OSBP: variants seen among roughly 807,000 people sequenced by gnomAD.
OSBP encodes the protein oxysterol-binding protein 1.
OSBP carries 32 observed loss-of-function variants against 96.6 expected under a neutral mutation model. The observed-to-expected ratio is 0.33, with a 90% CI of 0.25 to 0.45. The LOEUF (loss-of-function observed/expected upper bound fraction) is 0.45, where lower values mean the gene tolerates loss of function less well. Among genes scored for constraint, OSBP ranks in the 20% least tolerant of loss-of-function variants. OSBP has a pLI of 1.00. For missense variants in OSBP, 653 were observed against 1,029.7 expected (o/e 0.63, Z 5.01); for synonymous variants, 369 against 389.6 (o/e 0.95, Z 0.62).
Position 59,615,742 on chromosome 11 carries a change from C to T in OSBP, c.-78G>A, listed in dbSNP as rs1139126. ...TCGCCGCCCGGAGCGCCCCACACGG[C>T]TACCGCATCAGCCACCGCCGCGCAG... is the stretch of plus-strand genomic sequence containing the variant. On this transcript the variant is annotated 5_prime_UTR_variant, in exon 1 of 14. An upstream open reading frame in the 5' UTR loses its in-frame stop. Transcript: ENST00000263847. 9,673 of 1,230,778 alleles carry T rather than the reference C, an allele frequency of 7.9e-3. 149 individuals carry two copies. The highest frequency in any genetic ancestry group is 0.061 in the African/African-American group (3,862 of 63,522). 76.2% of individuals were successfully genotyped at this position (1,230,778 alleles called of 1,614,324 possible). A position where few individuals can be genotyped will look rare whatever the true frequency, so the allele number is the denominator to read the frequency against.
rs559512965 is a variant in OSBP, at chr11:59,601,048, C to T, written c.1125-175G>A. 5.1e-5 allele frequency among the ~76,000 whole-genome samples: 7 copies of T among 136,254 alleles called. No individual in the cohort carries two copies. The South Asian group carries it at 7.3e-4, about 14-fold the overall frequency. 89.4% of individuals were successfully genotyped at this position (136,254 alleles called of 152,430 possible). A position where few individuals can be genotyped will look rare whatever the true frequency, so the allele number is the denominator to read the frequency against. On this transcript the variant is annotated intron_variant, in intron 5 of 13. Coordinates refer to ENST00000263847, the MANE Select transcript of OSBP (RefSeq NM_002556.3). The stretch of plus-strand genomic sequence containing the variant: ...TAAGTATCTCTGGAGAATTTGTTTA[C>T]GTAAAAAAGCTGACATTTTTTCACT...
Position 59,575,592 on chromosome 11 carries a change from T to C in OSBP, c.*985A>G, listed in dbSNP as rs1162758594. ...GCTCCAGTCCTTGGGGCTTGAGAGA[T>C]GGTGAAAACTTTTGTTCCACATTAA... On this transcript the variant is annotated 3_prime_UTR_variant, in exon 14 of 14. Transcript: ENST00000263847. 3.9e-5 allele frequency: 6 copies of C among 152,644 alleles called. No homozygotes were observed. The highest frequency in any genetic ancestry group is 2.0e-4 in the Admixed American group (3 of 15,272). The allele number at this position is 152,644 out of a possible 1,614,324, so 9.5% of individuals were successfully genotyped here. A position where few individuals can be genotyped will look rare whatever the true frequency, so the allele number is the denominator to read the frequency against.
At chr11:59,586,159 T>C (rs1590669295) in intron 9 of OSBP, among the ~76,000 whole-genome samples, 1 of 95,388 alleles carries the variant, frequency 1.0e-5, no homozygotes, top group South Asian at 3.1e-4. Context: ...CCAAGAATGA[T>C]CAATAAAAAA....
At chr11:59,600,913 C>G in intron 5 of OSBP, 40 bp from the exon 6 acceptor site, 1 of 1,557,354 alleles carries the variant, frequency 6.4e-7, no homozygotes, top group Admixed American at 1.7e-5. Flanking sequence ...GAACAAAGAC[C>G]AGAACTAGAG....
At chr11:59,583,495 AATG>A (rs1440046117) in intron 9 of OSBP, among the ~76,000 whole-genome samples, 1 of 152,226 alleles carries the variant, frequency 6.6e-6, no homozygotes, top group East Asian at 1.9e-4. Flanking sequence ...CTATGACATC[AATG>A]ATAATAACAG....
At chr11:59,601,580 A>C in intron 4 of OSBP, 60 bp downstream of exon 4, 2 of 1,480,674 alleles carry the variant, frequency 1.4e-6, no homozygotes, top group Non-Finnish European at 1.9e-6. Flanking sequence ...TTCTCCTATC[A>C]ACTGCAGAAA....
At chr11:59,581,167 T>C (rs1011858890) in intron 10 of OSBP, among the ~76,000 whole-genome samples, 1 of 151,876 alleles carries the variant, frequency 6.6e-6, no homozygotes, top group Non-Finnish European at 1.5e-5. Flanking sequence ...GGATTAAGAG[T>C]TGGGGCCACG....
At chr11:59,588,217 AG>A (rs1168816880) in intron 9 of OSBP, among the ~76,000 whole-genome samples, 1 of 152,192 alleles carries the variant, frequency 6.6e-6, no homozygotes, top group Non-Finnish European at 1.5e-5. Flanking sequence ...AGTGGGTTCC[AG>A]GGTTTGGGGA....
At chr11:59,578,354 T>C (rs972367491) in intron 11 of OSBP, 24 bp from the exon 12 acceptor site, 3 of 1,609,948 alleles carry the variant, frequency 1.9e-6, no homozygotes, top group African/African-American at 2.7e-5. Flanking sequence ...GAACAGGGCT[T>C]GGCTATATAG....
chr11:59,607,519 C>T (rs148435977), intron 3 of OSBP, among the ~76,000 whole-genome samples: 1 of 152,052 alleles, frequency 6.6e-6, no homozygotes, highest in East Asian at 1.9e-4. Context: ...CGATACTTTC[C>T]CATGGTCATG....
Position 59,601,651 on chromosome 11 carries a change from C to A in OSBP, c.1010G>T (p.Gly337Val), listed in dbSNP as rs1860725806. 1.2e-6 allele frequency: 2 copies of A among 1,612,650 alleles called. No homozygotes were observed. Among genetic ancestry groups the A allele is most frequent in the African/African-American group, 2.7e-5 (2 of 74,998 alleles). Residue 337 changes from glycine (G) to valine (V), a missense_variant, in exon 4 of 14, where the codon GGT (glycine) becomes GTT (valine). By Grantham distance (109) the Gly-to-Val change is moderately radical. Transcript: ENST00000263847. ...GCTAAGTGTCTTACCTTTACCAGAA[C>A]CCACATTGCCAGGAGTGTTTGCCGG... ...VLPANTPGNV[G>V]SGKDQCCSGK...
intron 1 of OSBP, among the ~76,000 whole-genome samples, chr11:59,615,093 G>A (rs1016987995): frequency 1.3e-5 from 2 of 152,192 alleles, no homozygotes; most frequent in African/African-American, 4.8e-5. Context: ...ACCAAGAGTG[G>A]GTAACCCGAG....
At chr11:59,593,869 A>C in intron 8 of OSBP, 141 bp downstream of exon 8, 1 of 1,412,998 alleles carries the variant, frequency 7.1e-7, no homozygotes, top group Non-Finnish European at 9.6e-7. Flanking sequence ...AGGGTCTCCA[A>C]CGCTGACGTT....
At position 59,581,522 on chromosome 11, in the gene OSBP, G is replaced by A. The variant is rs148193754; in HGVS notation, c.1711C>T (p.His571Tyr). Reference protein sequence around the residue: ...TIHCIFHATGHHYTWKKVTTT... With the variant: ...TIHCIFHATGYHYTWKKVTTT... ...GTAACTTTCTTCCAAGTGTAGTGGT[G>A]CCCAGTTGCATGGAAAATACAATGA... Residue 571 changes from histidine (H) to tyrosine (Y), a missense_variant, in exon 10 of 14, where the codon CAC (histidine) becomes TAC (tyrosine). Transcript: ENST00000263847. 3.7e-5 allele frequency: 60 copies of A among 1,612,154 alleles called. No homozygotes were observed. The African/African-American group carries it at 6.9e-4, about 19-fold the overall frequency.
At chr11:59,608,335 C>G (rs1047453758) in intron 3 of OSBP, 149 bp downstream of exon 3, 1 of 916,216 alleles carries the variant, frequency 1.1e-6, no homozygotes, top group African/African-American at 1.6e-5. Flanking sequence ...CTATTTCATG[C>G]AGTAAACAAT....
chr11:59,582,021 C>G (rs2134653047), intron 9 of OSBP, among the ~76,000 whole-genome samples: 1 of 152,322 alleles, frequency 6.6e-6, no homozygotes. Context: ...GTGGATAGAG[C>G]TGGGGCTTTG....
intron 12 of OSBP, among the ~76,000 whole-genome samples, chr11:59,577,265 A>C (rs558815336): frequency 6.6e-6 from 1 of 152,202 alleles, no homozygotes; most frequent in Admixed American, 6.5e-5. Flanking sequence ...TGTGGTGCCC[A>C]GCTGAAATTA....
At chr11:59,595,379 A>C (rs1860636262) in intron 7 of OSBP, among the ~76,000 whole-genome samples, 1 of 152,070 alleles carries the variant, frequency 6.6e-6, no homozygotes, top group East Asian at 1.9e-4. Flanking sequence ...CTTTACTTAA[A>C]CAAACAAAAA....
At chr11:59,609,189 G>A (rs985122215) in intron 2 of OSBP, among the ~76,000 whole-genome samples, 4 of 152,170 alleles carry the variant, frequency 2.6e-5, no homozygotes, top group Admixed American at 1.3e-4. Context: ...ACTATCATCT[G>A]ATAGGTGACT....
Sources: allele counts gnomAD v4.1 joint callset (sites outside exome capture counted in the v4.1 genomes callset), GRCh38; gene constraint gnomAD v4.1.1; transcripts MANE v1.5; gene names NCBI Gene and HGNC (gene_info 2026-07-23, HGNC 2026-07-21).